Variants in LAMA2 observed in about 807,000 individuals in gnomAD.
The protein encoded by LAMA2 is laminin subunit alpha-2.
A neutral mutation model predicts 364.8 loss-of-function variants in LAMA2; 269 were observed. The observed-to-expected ratio is 0.74, with a 90% CI of 0.67 to 0.82. The LOEUF is 0.82. LAMA2 is among the 40% of genes least tolerant of loss of function. The probability of loss-of-function intolerance (pLI) is 0.00; values close to 1 mark genes in which losing one functional copy is unlikely to be tolerated. For synonymous variants in LAMA2, 1,379 were observed against 1,370.6 expected, an observed-to-expected ratio of 1.01 and a Z score of -0.14; for missense variants, 3,807 against 3,873.2, an observed-to-expected ratio of 0.98 and a Z score of 0.45.
intron 4 of LAMA2, among the ~76,000 whole-genome samples, chr6:129,130,220 A>G (rs557320242): frequency 6.6e-6 from 1 of 152,346 alleles, no homozygotes; most frequent in South Asian, 2.1e-4. Context: ...CACTAGTCAT[A>G]GGACTGAGAT....
intron 1 of LAMA2, among the ~76,000 whole-genome samples, chr6:128,984,752 C>A (rs1034203101): frequency 6.6e-6 from 1 of 151,786 alleles, no homozygotes; most frequent in East Asian, 1.9e-4. Flanking sequence ...ATTTTGATGG[C>A]AACACACATG....
At chr6:129,281,468 T>A (rs914153275) in intron 18 of LAMA2, among the ~76,000 whole-genome samples, 2 of 152,178 alleles carry the variant, frequency 1.3e-5, no homozygotes, top group Non-Finnish European at 2.9e-5. Context: ...CTATACATGT[T>A]AGACAATAGT....
intron 3 of LAMA2, among the ~76,000 whole-genome samples, chr6:129,066,036 A>G (rs1355647810): frequency 4.6e-5 from 1 of 21,790 alleles, no homozygotes; most frequent in Non-Finnish European, 1.0e-4. Flanking sequence ...GCCCAGTCTC[A>G]GGTTTTTTTT....
chr6:129,161,382 G>A (rs1240519219), intron 8 of LAMA2, among the ~76,000 whole-genome samples: 4 of 151,930 alleles, frequency 2.6e-5, no homozygotes, highest in Admixed American at 6.6e-5. Context: ...TAATATGATT[G>A]GGTTTTGCTA....
At chr6:129,141,008 T>C (rs1671710743) in intron 4 of LAMA2, among the ~76,000 whole-genome samples, 1 of 152,078 alleles carries the variant, frequency 6.6e-6, no homozygotes, top group African/African-American at 2.4e-5. Flanking sequence ...AACTTACTGA[T>C]TCTTCATACG....
intron 28 of LAMA2, 142 bp from the exon 29 acceptor site, chr6:129,328,136 T>C: frequency 2.6e-6 from 2 of 758,336 alleles, no homozygotes; most frequent in Admixed American, 3.6e-5. Context: ...AGTATCAAAA[T>C]CGGCACTTGC....
intron 1 of LAMA2, among the ~76,000 whole-genome samples, chr6:128,942,423 T>A (rs541214992): frequency 1.3e-5 from 2 of 152,330 alleles, no homozygotes; most frequent in East Asian, 3.9e-4. Context: ...TTCTTCCAGT[T>A]GAGCTCAAAA....
At chr6:129,338,251 G>A (rs1776067141) in intron 29 of LAMA2, among the ~76,000 whole-genome samples, 1 of 152,102 alleles carries the variant, frequency 6.6e-6, no homozygotes, top group Non-Finnish European at 1.5e-5. Flanking sequence ...TTATTTTACT[G>A]CAAAAGCAAA....
At chr6:129,284,691 A>G (rs1788970825) in intron 18 of LAMA2, among the ~76,000 whole-genome samples, 1 of 152,056 alleles carries the variant, frequency 6.6e-6, no homozygotes, top group Non-Finnish European at 1.5e-5. Context: ...AAGTCTCATC[A>G]GTGTGGTTGC....
intron 64 of LAMA2, 57 bp from the exon 65 acceptor site, chr6:129,516,133 C>G (rs1643612122): frequency 2.5e-6 from 4 of 1,575,568 alleles, no homozygotes; most frequent in Admixed American, 1.7e-5. Context: ...GAAACATGCT[C>G]TTAATATTTG....
chr6:128,918,753 C>T (rs964602489), intron 1 of LAMA2, among the ~76,000 whole-genome samples: 1 of 152,130 alleles, frequency 6.6e-6, no homozygotes. Flanking sequence ...TTAGGGCAAA[C>T]AATATGGGTG....
intron 51 of LAMA2, among the ~76,000 whole-genome samples, chr6:129,468,024 C>T (rs1783631923): frequency 6.6e-6 from 1 of 151,966 alleles, no homozygotes; most frequent in African/African-American, 2.4e-5. Context: ...CCCTTTGACA[C>T]AGTTGGCTGA....
intron 22 of LAMA2, among the ~76,000 whole-genome samples, chr6:129,310,000 C>T (rs1039077337): frequency 4.0e-5 from 6 of 150,068 alleles, no homozygotes; most frequent in Non-Finnish European, 5.9e-5. Context: ...CCCGGGTTCA[C>T]GCCATTCTCC....
chr6:129,158,459 T>C, intron 8 of LAMA2: 2 of 1,614,008 alleles, frequency 1.2e-6, no homozygotes, highest in Admixed American at 1.7e-5. Flanking sequence ...ATAAAGGTAG[T>C]CCAGACCCAC....
In LAMA2 at chr6:129,251,780, A is replaced by T. The variant is rs146190135; in HGVS notation, c.1885-304A>T. On this transcript the variant is annotated intron_variant, in intron 13 of 64. Transcript: ENST00000421865. ...AAACCCCCGCCTCTTCTACAAATGC[A>T]AAAAATTAGCCAGGCTTGGTGGCAG... Among the ~76,000 whole-genome samples, 158 of 152,172 alleles carry T rather than the reference A, an allele frequency of 1.0e-3. 3 individuals are homozygous for T. In the East Asian group the frequency reaches 0.022, roughly 21 times the overall value.
chr6:129,388,195 G>T (rs564440057), intron 35 of LAMA2, among the ~76,000 whole-genome samples: 19 of 150,880 alleles, frequency 1.3e-4, no homozygotes, highest in Admixed American at 9.9e-4. Context: ...AGGTGCGGTC[G>T]CAGTGAGCAG....
At chr6:129,376,604 G>T (rs949956197) in intron 34 of LAMA2, among the ~76,000 whole-genome samples, 2 of 152,046 alleles carry the variant, frequency 1.3e-5, no homozygotes, top group Admixed American at 6.6e-5. Context: ...CTGCACTCCA[G>T]CCATACTGTC....
At chr6:129,134,365 A>G (rs1394935628) in intron 4 of LAMA2, among the ~76,000 whole-genome samples, 1 of 152,228 alleles carries the variant, frequency 6.6e-6, no homozygotes, top group African/African-American at 2.4e-5. Flanking sequence ...AAACTAGGGA[A>G]TAGCTTTTAC....
intron 12 of LAMA2, among the ~76,000 whole-genome samples, chr6:129,200,124 G>GTATC (rs1554241232): frequency 9.4e-6 from 1 of 105,984 alleles, no homozygotes; most frequent in Non-Finnish European, 1.9e-5. Flanking sequence ...ATATATATGT[G>GTATC]TATATATATA....
Sources: allele counts gnomAD v4.1 joint callset (sites outside exome capture counted in the v4.1 genomes callset), GRCh38; gene constraint gnomAD v4.1.1; transcripts MANE v1.5; gene names NCBI Gene and HGNC (gene_info 2026-07-23, HGNC 2026-07-21).